LRRC53: variants seen among roughly 807,000 people sequenced by gnomAD.
LRRC53 encodes leucine rich repeat containing 53.
A neutral mutation model predicts 13.6 loss-of-function variants in LRRC53; 25 were observed. That is an observed-to-expected ratio of 1.83 (90% CI 1.34 to 2.56). The LOEUF is 2.56. Ranked by LOEUF, LRRC53 falls within the 30% of genes most tolerant of loss-of-function variation. LRRC53 has a pLI of 0.00. For missense variants in LRRC53, 527 were observed against 275.8 expected (o/e 1.91, Z -6.45); for synonymous variants, 204 against 109.8 (o/e 1.86, Z -5.37).
chr1:74,504,309 C>T, intron 1 of LRRC53, among the ~76,000 whole-genome samples: 1 of 152,136 alleles, frequency 6.6e-6, no homozygotes. Flanking sequence ...TTTTAGCTGC[C>T]TTGCTCTCTA....
At chr1:74,524,530 A>G in the LRRC53 span, among the ~76,000 whole-genome samples, 4 of 152,232 alleles carry the variant, frequency 2.6e-5, no homozygotes, top group African/African-American at 4.8e-5. Flanking sequence ...AAAAAGTCAC[A>G]TAAATCTCTT....
chr1:74,519,996 T>C, the LRRC53 span, among the ~76,000 whole-genome samples: 5 of 152,194 alleles, frequency 3.3e-5, no homozygotes, highest in African/African-American at 9.7e-5. Flanking sequence ...CAAGCTCATT[T>C]ATGTATTTAA....
chr1:74,506,189 G>T (rs1183555599), intron 1 of LRRC53, among the ~76,000 whole-genome samples: 1 of 152,184 alleles, frequency 6.6e-6, no homozygotes, highest in African/African-American at 2.4e-5. Context: ...TTTGATCTGT[G>T]ACATAGAACA....
chr1:74,474,775 C>T (rs1668108251), intron 4 of LRRC53, among the ~76,000 whole-genome samples: 1 of 152,082 alleles, frequency 6.6e-6, no homozygotes, highest in Non-Finnish European at 1.5e-5. Context: ...TCCTGACTTT[C>T]CCTGGACTGG....
At chr1:74,520,210 C>G in the LRRC53 span, among the ~76,000 whole-genome samples, 1 of 152,086 alleles carries the variant, frequency 6.6e-6, no homozygotes, top group African/African-American at 2.4e-5. Flanking sequence ...GCATGTGCAT[C>G]CTCATATACC....
intron 3 of LRRC53, among the ~76,000 whole-genome samples, chr1:74,478,703 T>G (rs1256295681): frequency 1.3e-5 from 2 of 152,204 alleles, no homozygotes; most frequent in Non-Finnish European, 2.9e-5. Context: ...TTTGCTTAAC[T>G]TAGTACCTTC....
chr1:74,527,401 T>C, the LRRC53 span, among the ~76,000 whole-genome samples: 5 of 152,098 alleles, frequency 3.3e-5, no homozygotes, highest in Non-Finnish European at 7.4e-5. Flanking sequence ...CAAGGCATAG[T>C]AGAAAATAGG....
rs1667853768 is a variant in LRRC53 at position 74,470,153 on chromosome 1, C to T, written c.3469G>A (p.Glu1157Lys). ...HETQNRILCS[E>K]VDPEVNSNVH... ...TTACTGTTAACTTCAGGATCTACTT[C>T]ACTGCAAAGTATTCTATTTTGGGTT... The change falls in exon 5 of 5, where the codon GAA becomes AAA. Residue 1157 changes from glutamate (E) to lysine (K), a missense_variant. Coordinates refer to ENST00000294635, the MANE Select transcript of LRRC53 (RefSeq NM_001382280.1). 2.5e-6 allele frequency: 1 copy of T among 400,712 alleles called. No homozygotes were observed. The highest frequency in any genetic ancestry group is 4.4e-6 in the Non-Finnish European group (1 of 226,174). 24.8% of individuals were successfully genotyped at this position (400,712 alleles called of 1,614,324 possible). A position where few individuals can be genotyped will look rare whatever the true frequency, so the allele number is the denominator to read the frequency against.
rs981939429 is a variant in LRRC53, at chr1:74,470,457, G to A, written c.3165C>T (p.Ser1055=). 7.5e-6 allele frequency: 3 copies of A among 400,286 alleles called. No individual in the cohort carries two copies. Among genetic ancestry groups the A allele is most frequent in the Non-Finnish European group, 1.3e-5 (3 of 226,144 alleles). The allele number at this position is 400,286 out of a possible 1,614,324, so 24.8% of individuals were successfully genotyped here. ...CATTTGTGCTGTCAATTCCTTTTTC[G>A]CTACTATTGGTTAGGTGCCAAACGG... ...SQAVWHLTNS[S]EKGIDSTNAL... The change falls in exon 5 of 5, where the codon AGC becomes AGT. Residue 1055 remains serine (S), a synonymous_variant. Transcript: ENST00000294635.
chr1:74,489,986 C>T (rs1668972986), intron 1 of LRRC53, among the ~76,000 whole-genome samples: 3 of 138,012 alleles, frequency 2.2e-5, no homozygotes, highest in South Asian at 4.7e-4. Flanking sequence ...GAAATAGCAT[C>T]AACCTGAGAT....
chr1:74,492,859 G>A (rs938258205), intron 1 of LRRC53, among the ~76,000 whole-genome samples: 14 of 152,098 alleles, frequency 9.2e-5, no homozygotes, highest in African/African-American at 3.1e-4. Context: ...ATGTATTTCC[G>A]CAGTCTGAAA....
the LRRC53 span, among the ~76,000 whole-genome samples, chr1:74,522,322 G>A: frequency 6.6e-6 from 1 of 152,122 alleles, no homozygotes; most frequent in Non-Finnish European, 1.5e-5. Flanking sequence ...TGCCGCAAAT[G>A]TGCATAAATA....
At chr1:74,520,484 CATCT>C in the LRRC53 span, among the ~76,000 whole-genome samples, 3 of 151,886 alleles carry the variant, frequency 2.0e-5, no homozygotes, top group African/African-American at 4.8e-5. Flanking sequence ...CCCATCCATC[CATCT>C]GTTTCCCTGT....
intron 1 of LRRC53, among the ~76,000 whole-genome samples, chr1:74,508,446 C>T (rs571638722): frequency 6.6e-6 from 1 of 152,142 alleles, no homozygotes; most frequent in South Asian, 2.1e-4. Flanking sequence ...ATAAAGTCCC[C>T]AAAATACAAG....
At chr1:74,489,058 T>A in intron 1 of LRRC53, 1 of 682,104 alleles carries the variant, frequency 1.5e-6, no homozygotes, top group African/African-American at 1.9e-5. Flanking sequence ...TCAATAAAAG[T>A]GTATTTTAAA....
chr1:74,474,680 A>G (rs535517504), intron 4 of LRRC53, among the ~76,000 whole-genome samples: 40 of 152,230 alleles, frequency 2.6e-4, no homozygotes, highest in African/African-American at 9.4e-4. Flanking sequence ...CATTGCCTTC[A>G]CCTAAATATT....
chr1:74,518,845 AT>A, the LRRC53 span, among the ~76,000 whole-genome samples: 2 of 101,758 alleles, frequency 2.0e-5, no homozygotes, highest in Non-Finnish European at 4.3e-5. Context: ...ACCTTACTTT[AT>A]TTTTTATTTT....
chr1:74,535,195 C>T, the LRRC53 span, among the ~76,000 whole-genome samples: 1 of 152,086 alleles, frequency 6.6e-6, no homozygotes, highest in Non-Finnish European at 1.5e-5. Context: ...TATAAAGAAT[C>T]ATAGAATTCT....
intron 1 of LRRC53, among the ~76,000 whole-genome samples, chr1:74,483,985 A>G (rs979769889): frequency 2.0e-5 from 3 of 152,164 alleles, no homozygotes; most frequent in African/African-American, 7.2e-5. Flanking sequence ...ATTATCTTAG[A>G]AAAAAATATT....
Sources: allele counts gnomAD v4.1 joint callset (sites outside exome capture counted in the v4.1 genomes callset), GRCh38; gene constraint gnomAD v4.1.1; transcripts MANE v1.5; gene names NCBI Gene and HGNC (gene_info 2026-07-23, HGNC 2026-07-21).